Variants in DCC observed in about 807,000 individuals in gnomAD.
DCC encodes the protein DCC netrin 1 receptor, also known as netrin receptor DCC.
DCC carries 58 observed loss-of-function variants against 172.5 expected under a neutral mutation model. The observed-to-expected ratio is 0.34, with a 90% CI of 0.27 to 0.42. The LOEUF is 0.42. Among genes scored for constraint, DCC ranks in the 10% least tolerant of loss-of-function variants. The pLI is 1.00. For missense variants in DCC, 1,740 were observed against 1,791.0 expected, an observed-to-expected ratio of 0.97 and a Z score of 0.51; for synonymous variants, 709 against 644.5, an observed-to-expected ratio of 1.10 and a Z score of -1.52.
intron 7 of DCC, among the ~76,000 whole-genome samples, chr18:53,107,892 T>G (rs1458877213): frequency 2.0e-5 from 3 of 151,842 alleles, no homozygotes; most frequent in African/African-American, 7.2e-5. Context: ...CTATTACGTT[T>G]TATTTCTGGG....
At chr18:52,849,716 AT>A (rs1231610952) in intron 2 of DCC, among the ~76,000 whole-genome samples, 1 of 152,160 alleles carries the variant, frequency 6.6e-6, no homozygotes, top group Non-Finnish European at 1.5e-5. Context: ...ATGCTTCTTC[AT>A]TTTTTAGCAC....
chr18:53,091,863 A>C (rs62099181), intron 7 of DCC, among the ~76,000 whole-genome samples: 50,773 of 112,008 alleles, frequency 0.45, 9,608 homozygotes, highest in Non-Finnish European at 0.49. Context: ...ATCTATCTAT[A>C]TATATATATA....
chr18:53,208,874 G>C (rs2055701345), intron 11 of DCC, among the ~76,000 whole-genome samples: 1 of 152,226 alleles, frequency 6.6e-6, no homozygotes, highest in East Asian at 1.9e-4. Context: ...GGGATTACAG[G>C]TGCATGCCAC....
chr18:52,597,739 G>C lies in DCC; in HGVS notation c.92-154315G>C, dbSNP rs932315254. ...GAGAAATAGAATAATTGATCTAGTA[G>C]AAACAGGTTTCAGGAAGTCAAAGAA... On this transcript the variant is annotated intron_variant, in intron 1 of 28. Coordinates refer to ENST00000442544, the MANE Select transcript of DCC (RefSeq NM_005215.4). 2.0e-5 allele frequency among the ~76,000 whole-genome samples: 3 copies of C among 152,266 alleles called. No homozygotes were observed. In the South Asian group the frequency reaches 6.2e-4, roughly 32 times the overall value.
At chr18:52,683,424 C>T (rs2035780694) in intron 1 of DCC, among the ~76,000 whole-genome samples, 1 of 152,058 alleles carries the variant, frequency 6.6e-6, no homozygotes, top group African/African-American at 2.4e-5. Flanking sequence ...AGAGCAAACA[C>T]AGGGACAATA....
chr18:52,873,540 A>G (rs1010689667), intron 2 of DCC, among the ~76,000 whole-genome samples: 1 of 152,242 alleles, frequency 6.6e-6, no homozygotes, highest in African/African-American at 2.4e-5. Flanking sequence ...GAGTGGGTAG[A>G]TAAACCACAA....
At chr18:53,013,786 C>A (rs150991548) in intron 5 of DCC, among the ~76,000 whole-genome samples, 70 of 151,910 alleles carry the variant, frequency 4.6e-4, no homozygotes, top group African/African-American at 1.6e-3. Flanking sequence ...AGCACACTTC[C>A]AATCAACACT....
At chr18:53,498,814 A>G (rs1244429936) in intron 26 of DCC, among the ~76,000 whole-genome samples, 2 of 152,180 alleles carry the variant, frequency 1.3e-5, no homozygotes, top group African/African-American at 4.8e-5. Context: ...TATTTGTATC[A>G]TTTTATTAGC....
At chr18:53,051,634 C>T (rs1057000358) in intron 5 of DCC, among the ~76,000 whole-genome samples, 2 of 152,034 alleles carry the variant, frequency 1.3e-5, no homozygotes, top group African/African-American at 4.8e-5. Context: ...GTATAATATT[C>T]TTGGGTAACA....
At chr18:53,499,059 T>C (rs776329364) in intron 26 of DCC, among the ~76,000 whole-genome samples, 2 of 152,230 alleles carry the variant, frequency 1.3e-5, no homozygotes, top group Non-Finnish European at 1.5e-5. Flanking sequence ...TATATTTTAC[T>C]ATTCTTTCTC....
chr18:52,641,992 A>G (rs559700874), intron 1 of DCC, among the ~76,000 whole-genome samples: 305 of 142,566 alleles, frequency 2.1e-3, no homozygotes, highest in Middle Eastern at 7.4e-3. Flanking sequence ...ACAAGTGGAT[A>G]AAGAAACTGT....
intron 1 of DCC, among the ~76,000 whole-genome samples, chr18:52,358,665 T>A (rs1202254772): frequency 6.6e-6 from 1 of 152,206 alleles, no homozygotes; most frequent in African/African-American, 2.4e-5. Context: ...CTCTCCACCC[T>A]CTAAAACTTG....
At chr18:52,349,586 C>A (rs1432985611) in intron 1 of DCC, among the ~76,000 whole-genome samples, 4 of 152,148 alleles carry the variant, frequency 2.6e-5, no homozygotes, top group Admixed American at 2.0e-4. Flanking sequence ...TTTTCAGCAG[C>A]ATATCAGTTT....
chr18:52,925,100 A>T, intron 4 of DCC, 134 bp from the exon 5 acceptor site: 1 of 878,526 alleles, frequency 1.1e-6, no homozygotes, highest in Non-Finnish European at 1.8e-6. Flanking sequence ...TGAGACTTTA[A>T]TCAAGCCCTT....
intron 1 of DCC, among the ~76,000 whole-genome samples, chr18:52,512,520 T>C (rs922989025): frequency 2.0e-5 from 3 of 152,200 alleles, no homozygotes; most frequent in African/African-American, 4.8e-5. Flanking sequence ...TTTAATTAAA[T>C]TTGATAATGG....
At chr18:52,746,256 C>A (rs568831201) in intron 1 of DCC, among the ~76,000 whole-genome samples, 1 of 152,216 alleles carries the variant, frequency 6.6e-6, no homozygotes, top group South Asian at 2.1e-4. Flanking sequence ...TATGAAGATT[C>A]ACGGATCATC....
At chr18:53,392,335 T>C (rs1016590436) in intron 17 of DCC, among the ~76,000 whole-genome samples, 3 of 53,730 alleles carry the variant, frequency 5.6e-5, no homozygotes, top group African/African-American at 8.0e-5. Context: ...GTTGAAGATA[T>C]TTTTTTGTAA....
chr18:52,613,510 C>G (rs1453153770), intron 1 of DCC, among the ~76,000 whole-genome samples: 1 of 152,188 alleles, frequency 6.6e-6, no homozygotes, highest in Non-Finnish European at 1.5e-5. Context: ...CCGCCTCTGC[C>G]TCCCAAAGTG....
chr18:52,815,742 A>G (rs2038284525), intron 2 of DCC, among the ~76,000 whole-genome samples: 1 of 152,224 alleles, frequency 6.6e-6, no homozygotes, highest in South Asian at 2.1e-4. Context: ...ACATCAATAA[A>G]TCATAAGTAA....
Sources: gnomAD v4.1 joint callset for allele counts (sites outside exome capture counted in the v4.1 genomes callset) on GRCh38, gnomAD v4.1.1 for gene constraint, MANE v1.5 for transcripts, NCBI Gene and HGNC (gene_info 2026-07-23, HGNC 2026-07-21) for gene names.